Variants in SUPT3H observed in about 807,000 individuals in gnomAD.
SUPT3H encodes the protein transcription initiation protein SPT3 homolog.
A neutral mutation model predicts 44.3 loss-of-function variants in SUPT3H; 44 were observed. The observed-to-expected ratio is 0.99, with a 90% CI of 0.78 to 1.28. The LOEUF (loss-of-function observed/expected upper bound fraction) is 1.28. Among genes scored for constraint, SUPT3H ranks in the 50% most tolerant of loss-of-function variants. The pLI is 0.00. For missense variants in SUPT3H, 380 were observed against 387.1 expected (o/e 0.98, Z 0.15); for synonymous variants, 124 against 125.6 (o/e 0.99, Z 0.09).
At chr6:45,138,779 A>G (rs1487084349) in intron 2 of SUPT3H, among the ~76,000 whole-genome samples, 1 of 152,212 alleles carries the variant, frequency 6.6e-6, no homozygotes, top group Non-Finnish European at 1.5e-5. Context: ...CAACTGAATC[A>G]CAGTTATGGT....
intron 2 of SUPT3H, among the ~76,000 whole-genome samples, chr6:45,313,770 G>A (rs1196687556): frequency 6.6e-6 from 1 of 151,960 alleles, no homozygotes; most frequent in Non-Finnish European, 1.5e-5. Context: ...GAGAAAGAGG[G>A]AACCCTCACT....
intron 2 of SUPT3H, among the ~76,000 whole-genome samples, chr6:45,310,805 T>C (rs541232860): frequency 1.3e-5 from 2 of 152,190 alleles, no homozygotes; most frequent in Admixed American, 1.3e-4. Context: ...ACCTTCCCTC[T>C]GACAGAGCCT....
At chr6:45,353,048 C>T (rs1271327929) in intron 2 of SUPT3H, among the ~76,000 whole-genome samples, 2 of 152,018 alleles carry the variant, frequency 1.3e-5, no homozygotes, top group Non-Finnish European at 1.5e-5. Flanking sequence ...TCTTCAGAGT[C>T]TCTAATAGTA....
intron 2 of SUPT3H, among the ~76,000 whole-genome samples, chr6:45,234,530 C>CAAAA (rs10713328): frequency 3.3e-4 from 42 of 126,930 alleles, no homozygotes; most frequent in Non-Finnish European, 5.6e-4. Context: ...GACGCTGTCA[C>CAAAA]AAAAAAAAAA....
intron 2 of SUPT3H, among the ~76,000 whole-genome samples, chr6:45,248,288 G>T (rs1771735853): frequency 6.6e-6 from 1 of 151,952 alleles, no homozygotes; most frequent in Non-Finnish European, 1.5e-5. Context: ...GATGCTGTTG[G>T]AAAAATGAAA....
chr6:44,863,632 G>A (rs1775021826), intron 10 of SUPT3H, among the ~76,000 whole-genome samples: 1 of 152,148 alleles, frequency 6.6e-6, no homozygotes, highest in Admixed American at 6.5e-5. Context: ...ATGAGCAAGA[G>A]GGCAGGTATT....
intron 10 of SUPT3H, among the ~76,000 whole-genome samples, chr6:44,901,308 C>T (rs983301687): frequency 7.2e-5 from 11 of 151,994 alleles, no homozygotes; most frequent in Admixed American, 2.0e-4. Flanking sequence ...CTAGAATAAC[C>T]AACGCAGAGA....
chr6:44,885,661 G>A (rs527728302), intron 10 of SUPT3H, among the ~76,000 whole-genome samples: 2 of 152,050 alleles, frequency 1.3e-5, no homozygotes, highest in African/African-American at 2.4e-5. Flanking sequence ...CCACAAAGAT[G>A]GGGAAAAAAC....
chr6:44,947,757 C>A (rs1300619096), intron 9 of SUPT3H, among the ~76,000 whole-genome samples: 1 of 152,090 alleles, frequency 6.6e-6, no homozygotes, highest in Non-Finnish European at 1.5e-5. Context: ...AGAAAAGAGT[C>A]TTTCAGCAAA....
At chr6:44,898,920 T>C (rs750307299) in intron 10 of SUPT3H, 5 of 152,256 alleles carry the variant, frequency 3.3e-5, no homozygotes, top group Non-Finnish European at 7.3e-5. Flanking sequence ...ACAGTTTTTT[T>C]TATCAACAGA....
intron 6 of SUPT3H, among the ~76,000 whole-genome samples, chr6:44,962,804 G>C (rs575418928): frequency 5.9e-5 from 9 of 151,992 alleles, no homozygotes; most frequent in Non-Finnish European, 1.3e-4. Context: ...AATATAGATG[G>C]GGCAGTAGGA....
At chr6:45,181,401 A>G (rs1813146835) in intron 2 of SUPT3H, among the ~76,000 whole-genome samples, 1 of 151,996 alleles carries the variant, frequency 6.6e-6, no homozygotes, top group Non-Finnish European at 1.5e-5. Context: ...ATGCTGCTAT[A>G]AAGACACATG....
chr6:44,982,351 G>A (rs1187521472), intron 6 of SUPT3H, among the ~76,000 whole-genome samples: 1 of 152,076 alleles, frequency 6.6e-6, no homozygotes, highest in East Asian at 1.9e-4. Flanking sequence ...AGCCTCCCGA[G>A]TAGCTGGGAC....
intron 10 of SUPT3H, among the ~76,000 whole-genome samples, chr6:44,870,590 C>T (rs1776222668): frequency 7.2e-6 from 1 of 138,126 alleles, no homozygotes; most frequent in Admixed American, 7.5e-5. Flanking sequence ...CAGAGTGAGA[C>T]TCTGTCTCAA....
At chr6:45,153,688 T>C (rs559834466) in intron 2 of SUPT3H, among the ~76,000 whole-genome samples, 11 of 152,222 alleles carry the variant, frequency 7.2e-5, no homozygotes, top group South Asian at 2.1e-4. Context: ...CTGGCCAACA[T>C]GGTGAAACCC....
intron 2 of SUPT3H, among the ~76,000 whole-genome samples, chr6:45,259,210 C>T (rs1160229318): frequency 4.6e-5 from 7 of 151,946 alleles, no homozygotes; most frequent in Non-Finnish European, 1.0e-4. Context: ...ACCAGAAATA[C>T]TTTCAAAGTA....
intron 2 of SUPT3H, among the ~76,000 whole-genome samples, chr6:45,215,883 C>G (rs1365833690): frequency 6.6e-6 from 1 of 152,094 alleles, no homozygotes; most frequent in African/African-American, 2.4e-5. Flanking sequence ...AGAATATAGT[C>G]AAACTGTCAA....
intron 2 of SUPT3H, among the ~76,000 whole-genome samples, chr6:45,325,778 T>C (rs1175481317): frequency 6.6e-6 from 1 of 151,950 alleles, no homozygotes; most frequent in African/African-American, 2.4e-5. Flanking sequence ...AAGCTATTTC[T>C]AATGAAACAC....
chr6:45,109,840 T>C (rs1351012285), intron 2 of SUPT3H, among the ~76,000 whole-genome samples: 3 of 152,206 alleles, frequency 2.0e-5, no homozygotes, highest in Non-Finnish European at 2.9e-5. Flanking sequence ...TTTTGATTTT[T>C]TTCCCCTTTG....
Sources: gnomAD v4.1 joint callset for allele counts (sites outside exome capture counted in the v4.1 genomes callset) on GRCh38, gnomAD v4.1.1 for gene constraint, MANE v1.5 for transcripts, NCBI Gene and HGNC (gene_info 2026-07-23, HGNC 2026-07-21) for gene names.